The following LRRTM4 variants were observed in gnomAD, a reference collection of about 807,000 sequenced individuals.
LRRTM4 encodes leucine rich repeat transmembrane neuronal 4, also known as leucine-rich repeat transmembrane neuronal protein 4.
LRRTM4 carries 25 observed loss-of-function variants against 47.6 expected under a neutral mutation model. That is an observed-to-expected ratio of 0.53 (90% CI 0.38 to 0.73). The LOEUF is 0.73. LRRTM4 is among the 30% of genes least tolerant of loss of function. The probability of loss-of-function intolerance (pLI) is 0.00; values close to 1 mark genes in which losing one functional copy is unlikely to be tolerated. For missense variants in LRRTM4, 638 were observed against 713.4 expected, an observed-to-expected ratio of 0.89 and a Z score of 1.20; for synonymous variants, 311 against 269.5, an observed-to-expected ratio of 1.15 and a Z score of -1.51.
At chr2:76,780,406 C>G (rs957402613) in intron 3 of LRRTM4, among the ~76,000 whole-genome samples, 1 of 152,220 alleles carries the variant, frequency 6.6e-6, no homozygotes, top group South Asian at 2.1e-4. Context: ...ACCAATCAGA[C>G]GTAGATTTGG....
At chr2:76,918,839 G>C (rs1031768418) in intron 3 of LRRTM4, among the ~76,000 whole-genome samples, 2 of 152,048 alleles carry the variant, frequency 1.3e-5, no homozygotes, top group African/African-American at 4.8e-5. Context: ...TTAAGAGCAT[G>C]AATAAGAATG....
chr2:76,797,758 A>C (rs1050171960), intron 3 of LRRTM4, among the ~76,000 whole-genome samples: 1 of 150,958 alleles, frequency 6.6e-6, no homozygotes, highest in South Asian at 2.1e-4. Flanking sequence ...TCAAAATAAA[A>C]GGATGGGGGA....
chr2:76,971,463 A>C (rs1332593813), intron 3 of LRRTM4, among the ~76,000 whole-genome samples: 1 of 152,070 alleles, frequency 6.6e-6, no homozygotes. Context: ...TGGGAAGGCC[A>C]ACCACTGCAT....
chr2:76,895,325 G>A lies in LRRTM4; in HGVS notation c.1552-146409C>T, dbSNP rs140848659. Among the ~76,000 whole-genome samples the A allele has an allele frequency of 8.7e-3, 1,322 of 152,088 alleles. 26 individuals are homozygous for A. The highest frequency in any genetic ancestry group is 0.029 in the African/African-American group (1,217 of 41,492). On this transcript the variant is annotated intron_variant, in intron 3 of 3. Transcript: ENST00000409884. Reference sequence around the variant, plus strand: ...CTAGTGAGTGTACTCTCCAATTGCTGTACCCTTTATCCATGAGAACGAAAA... The same window carrying A: ...CTAGTGAGTGTACTCTCCAATTGCTATACCCTTTATCCATGAGAACGAAAA...
intron 3 of LRRTM4, among the ~76,000 whole-genome samples, chr2:77,296,725 T>C (rs1251561166): frequency 6.6e-6 from 1 of 152,188 alleles, no homozygotes; most frequent in African/African-American, 2.4e-5. Flanking sequence ...CTTCAGGAAT[T>C]GCACTCCCCA....
intron 3 of LRRTM4, among the ~76,000 whole-genome samples, chr2:77,444,848 T>G (rs1675985861): frequency 1.3e-5 from 2 of 151,626 alleles, no homozygotes. Flanking sequence ...TGTTTTTCTG[T>G]ATTACCTTAT....
intron 3 of LRRTM4, among the ~76,000 whole-genome samples, chr2:76,842,888 C>G (rs548850708): frequency 4.7e-4 from 72 of 152,200 alleles, no homozygotes; most frequent in Non-Finnish European, 9.3e-4. Context: ...TTATATATTG[C>G]TGAGATCCAC....
At chr2:76,825,227 T>C (rs1220864139) in intron 3 of LRRTM4, among the ~76,000 whole-genome samples, 2 of 151,638 alleles carry the variant, frequency 1.3e-5, no homozygotes, top group African/African-American at 2.4e-5. Flanking sequence ...AAAATAGTCT[T>C]CTATATGCTG....
chr2:77,301,007 C>CT (rs1219570500), intron 3 of LRRTM4, among the ~76,000 whole-genome samples: 8 of 151,236 alleles, frequency 5.3e-5, no homozygotes, highest in Non-Finnish European at 1.2e-4. Flanking sequence ...TTTTCTTTTC[C>CT]TTTTTTTTAA....
chr2:76,873,533 T>TATATAC (rs1174673622), intron 3 of LRRTM4, among the ~76,000 whole-genome samples: 2 of 145,190 alleles, frequency 1.4e-5, no homozygotes, highest in Admixed American at 6.9e-5. Context: ...TATATATATA[T>TATATAC]ACAACATAGT....
At chr2:76,934,130 C>A (rs1427781715) in intron 3 of LRRTM4, among the ~76,000 whole-genome samples, 1 of 152,172 alleles carries the variant, frequency 6.6e-6, no homozygotes, top group Non-Finnish European at 1.5e-5. Flanking sequence ...GCAGAAAAAT[C>A]TCATGAGAAT....
intron 3 of LRRTM4, among the ~76,000 whole-genome samples, chr2:77,138,084 A>C (rs1463832303): frequency 1.3e-5 from 2 of 152,178 alleles, no homozygotes; most frequent in Non-Finnish European, 2.9e-5. Flanking sequence ...AAAGTTAACA[A>C]GGATATCCAG....
At chr2:77,259,244 A>G (rs1385615639) in intron 3 of LRRTM4, among the ~76,000 whole-genome samples, 3 of 152,082 alleles carry the variant, frequency 2.0e-5, no homozygotes, top group African/African-American at 7.2e-5. Context: ...GCTGTATGAC[A>G]TTGAGCAAAT....
At chr2:76,982,795 C>T (rs1040088260) in intron 3 of LRRTM4, among the ~76,000 whole-genome samples, 3 of 152,010 alleles carry the variant, frequency 2.0e-5, no homozygotes, top group African/African-American at 7.2e-5. Context: ...ATAGAACACA[C>T]TTGCCAATTA....
At chr2:77,020,141 G>A (rs945956679) in intron 3 of LRRTM4, among the ~76,000 whole-genome samples, 7 of 151,680 alleles carry the variant, frequency 4.6e-5, no homozygotes, top group South Asian at 2.1e-4. Flanking sequence ...AGAGAAAGAT[G>A]AAGAAAGGTA....
At chr2:77,494,057 C>T (rs1678267752) in intron 3 of LRRTM4, among the ~76,000 whole-genome samples, 1 of 152,044 alleles carries the variant, frequency 6.6e-6, no homozygotes, top group Non-Finnish European at 1.5e-5. Flanking sequence ...TAATAGAAAT[C>T]TCCATTGATA....
At chr2:77,081,547 A>C (rs927698531) in intron 3 of LRRTM4, among the ~76,000 whole-genome samples, 6 of 152,088 alleles carry the variant, frequency 3.9e-5, no homozygotes, top group Non-Finnish European at 7.4e-5. Context: ...TCTATCTGCC[A>C]CTCACTCCAG....
chr2:76,769,178 A>G (rs1673581281), intron 3 of LRRTM4, among the ~76,000 whole-genome samples: 1 of 152,144 alleles, frequency 6.6e-6, no homozygotes, highest in South Asian at 2.1e-4. Context: ...TAGGACTAGA[A>G]GGAACGTTCT....
intron 3 of LRRTM4, among the ~76,000 whole-genome samples, chr2:76,781,490 G>A (rs1674387930): frequency 6.6e-6 from 1 of 152,254 alleles, no homozygotes; most frequent in Admixed American, 6.5e-5. Flanking sequence ...GAAAAGCGCA[G>A]TATTCGGGTG....
Sources: allele counts gnomAD v4.1 joint callset (sites outside exome capture counted in the v4.1 genomes callset), GRCh38; gene constraint gnomAD v4.1.1; transcripts MANE v1.5; gene names NCBI Gene and HGNC (gene_info 2026-07-23, HGNC 2026-07-21).